The following GRAMD2B variants were observed in gnomAD, a reference collection of about 807,000 sequenced individuals.
The protein encoded by GRAMD2B is GRAM domain containing 2B.
GRAMD2B carries 41 observed loss-of-function variants against 59.2 expected under a neutral mutation model. The ratio of observed to expected loss-of-function variants is 0.69; its 90% CI spans 0.54 to 0.90. The LOEUF (loss-of-function observed/expected upper bound fraction) is 0.90, where lower values mean the gene tolerates loss of function less well. Ranked by LOEUF, GRAMD2B falls within the 40% of genes least tolerant of loss-of-function variation. The pLI, the probability that GRAMD2B is intolerant of heterozygous loss-of-function variation, is 0.00. For missense variants in GRAMD2B, 424 were observed against 500.5 expected (o/e 0.85, Z 1.46); for synonymous variants, 161 against 182.7 (o/e 0.88, Z 0.96).
chr5:126,478,534 A>G (rs1771089832), intron 6 of GRAMD2B, among the ~76,000 whole-genome samples: 1 of 152,168 alleles, frequency 6.6e-6, no homozygotes, highest in African/African-American at 2.4e-5. Flanking sequence ...TGAGTCCAGG[A>G]GTTCAAGACT....
intron 1 of GRAMD2B, among the ~76,000 whole-genome samples, chr5:126,364,090 T>A (rs1377765307): frequency 6.6e-6 from 1 of 152,220 alleles, no homozygotes; most frequent in Non-Finnish European, 1.5e-5. Context: ...ATTTGCTAAA[T>A]CCTTATTATG....
chr5:126,446,672 C>T (rs1455315476), intron 1 of GRAMD2B, among the ~76,000 whole-genome samples: 5 of 146,982 alleles, frequency 3.4e-5, no homozygotes, highest in Non-Finnish European at 6.0e-5. Flanking sequence ...TAAGGTGTGA[C>T]GGAGAGCAGC....
chr5:126,390,717 C>T (rs1170517422), intron 1 of GRAMD2B, among the ~76,000 whole-genome samples: 1 of 152,144 alleles, frequency 6.6e-6, no homozygotes, highest in Non-Finnish European at 1.5e-5. Flanking sequence ...CCAGCCAGTT[C>T]CATAATCTCT....
intron 5 of GRAMD2B, among the ~76,000 whole-genome samples, chr5:126,476,632 A>G (rs186715831): frequency 1.3e-3 from 205 of 152,362 alleles, no homozygotes; most frequent in African/African-American, 4.8e-3. Flanking sequence ...TATGTAGGAC[A>G]TGCACCTCTC....
chr5:126,375,250 C>T (rs905263730), intron 1 of GRAMD2B, among the ~76,000 whole-genome samples: 1 of 152,152 alleles, frequency 6.6e-6, no homozygotes, highest in Admixed American at 6.5e-5. Context: ...TTATGTTCAA[C>T]ATCCTTGCTA....
intron 10 of GRAMD2B, 60 bp downstream of exon 10, chr5:126,484,584 C>CT (rs144250138): frequency 0.094 from 115,403 of 1,224,956 alleles, no homozygotes; most frequent in Non-Finnish European, 0.1. Context: ...CTGTTTGTAA[C>CT]TTTTTTTTTT....
At chr5:126,388,904 T>TACAATATTTACTATTAGGC (rs1423576507) in intron 1 of GRAMD2B, among the ~76,000 whole-genome samples, 3 of 151,948 alleles carry the variant, frequency 2.0e-5, no homozygotes, top group African/African-American at 7.3e-5. Context: ...ATCTATTAGG[T>TACAATATTTACTATTAGGC]ACAATATTTA....
exon 1 of GRAMD2B, chr5:126,371,491 A>G: frequency 2.3e-6 from 3 of 1,289,038 alleles, no homozygotes; most frequent in Non-Finnish European, 3.0e-6. Context: ...CCGGTTTGAG[A>G]CTCCGGGCAG....
intron 1 of GRAMD2B, among the ~76,000 whole-genome samples, chr5:126,396,727 T>C (rs772834332): frequency 6.6e-6 from 1 of 152,204 alleles, no homozygotes; most frequent in Non-Finnish European, 1.5e-5. Flanking sequence ...GGTATTTCTG[T>C]CTTTAGGTCT....
chr5:126,396,390 C>T lies in GRAMD2B; in HGVS notation c.125+24823C>T, dbSNP rs376479074. Among the ~76,000 whole-genome samples the T allele has an allele frequency of 5.3e-5, 8 of 152,268 alleles. No homozygotes were observed. In the South Asian group the frequency reaches 1.5e-3, roughly 28 times the overall value. On this transcript the variant is annotated intron_variant, in intron 1 of 8. Coordinates refer to the GRAMD2B transcript ENST00000506445. ...TCCCCTCTATGTGTCCATGTGTTCT[C>T]ATCATTTAGCTCCCAGTTATAAGTA...
intron 1 of GRAMD2B, among the ~76,000 whole-genome samples, chr5:126,447,423 G>A (rs1764449370): frequency 6.6e-6 from 1 of 152,190 alleles, no homozygotes; most frequent in South Asian, 2.1e-4. Context: ...AGCACTTTGG[G>A]AGGCCAAGGC....
At chr5:126,401,583 T>C (rs1348265347) in intron 1 of GRAMD2B, among the ~76,000 whole-genome samples, 2 of 152,080 alleles carry the variant, frequency 1.3e-5, no homozygotes, top group Non-Finnish European at 1.5e-5. Context: ...CAGTCTTTAC[T>C]GACTGGCTTC....
At chr5:126,466,253 G>T (rs1554086816) in intron 2 of GRAMD2B, 5 of 1,549,916 alleles carry the variant, frequency 3.2e-6, no homozygotes, top group Non-Finnish European at 8.7e-7. Context: ...TTTGCTAAAA[G>T]ATTATTAACT....
chr5:126,438,288 A>G (rs1762742416), intron 1 of GRAMD2B, among the ~76,000 whole-genome samples: 1 of 152,314 alleles, frequency 6.6e-6, no homozygotes, highest in Non-Finnish European at 1.5e-5. Context: ...GAGCCTGTAC[A>G]TAACCTCGGA....
intron 1 of GRAMD2B, among the ~76,000 whole-genome samples, chr5:126,443,963 A>T (rs529700766): frequency 6.6e-6 from 1 of 152,056 alleles, no homozygotes; most frequent in Non-Finnish European, 1.5e-5. Flanking sequence ...GAGGCAGGAG[A>T]ATCACTTGAA....
intron 13 of GRAMD2B, among the ~76,000 whole-genome samples, chr5:126,491,731 T>C (rs540039827): frequency 8.2e-4 from 125 of 152,154 alleles, no homozygotes; most frequent in African/African-American, 2.9e-3. Context: ...CTTTTTTTTT[T>C]CCTTCTTTGT....
chr5:126,394,272 C>T (rs1418348894), intron 1 of GRAMD2B, among the ~76,000 whole-genome samples: 3 of 145,246 alleles, frequency 2.1e-5, no homozygotes, highest in Non-Finnish European at 4.5e-5. Flanking sequence ...AAGACTCTGT[C>T]TCAAAAAAAA....
At chr5:126,452,672 C>A (rs1765580224) in intron 1 of GRAMD2B, among the ~76,000 whole-genome samples, 2 of 152,240 alleles carry the variant, frequency 1.3e-5, no homozygotes, top group Admixed American at 6.5e-5. Context: ...TTCTCCTTGG[C>A]ATTCCTGATA....
At chr5:126,414,914 C>T (rs1285274383) in intron 1 of GRAMD2B, among the ~76,000 whole-genome samples, 1 of 152,090 alleles carries the variant, frequency 6.6e-6, no homozygotes, top group East Asian at 1.9e-4. Flanking sequence ...TTGGTTTATA[C>T]AACATTTCTA....
Sources: gnomAD v4.1 joint callset for allele counts (sites outside exome capture counted in the v4.1 genomes callset) on GRCh38, gnomAD v4.1.1 for gene constraint, MANE v1.5 for transcripts, NCBI Gene and HGNC (gene_info 2026-07-23, HGNC 2026-07-21) for gene names.